COLEC10: variants seen among roughly 807,000 people sequenced by gnomAD.
The protein encoded by COLEC10 is collectin-10.
COLEC10 carries 22 observed loss-of-function variants against 28.4 expected under a neutral mutation model. The observed-to-expected ratio is 0.78, with a 90% confidence interval of 0.55 to 1.11. The LOEUF is 1.11. Ranked by LOEUF, COLEC10 falls within the 50% of genes least tolerant of loss-of-function variation. COLEC10 has a pLI of 0.00. For missense variants in COLEC10, 361 were observed against 344.1 expected (o/e 1.05, Z -0.39); for synonymous variants, 125 against 116.1 (o/e 1.08, Z -0.49).
At chr8:119,066,651 A>G (rs1287404637), upstream of COLEC10, among the ~76,000 whole-genome samples, 1 of 152,258 alleles carries the variant, frequency 6.6e-6, no homozygotes, top group Non-Finnish European at 1.5e-5. Context: ...GCTAAAAGCT[A>G]TAAACTAGGC....
the COLEC10 span, among the ~76,000 whole-genome samples, chr8:118,982,178 C>T: frequency 6.6e-6 from 1 of 152,178 alleles, no homozygotes; most frequent in South Asian, 2.1e-4. Context: ...TCTAATGCTT[C>T]ACATATAATC....
chr8:119,034,415 T>A (rs1363694978), intron 2 of COLEC10, among the ~76,000 whole-genome samples: 17 of 137,950 alleles, frequency 1.2e-4, no homozygotes, highest in African/African-American at 3.4e-4. Flanking sequence ...TTACAGTATT[T>A]AAAAAAAAAA....
intron 1 of COLEC10, among the ~76,000 whole-genome samples, chr8:119,070,936 A>G (rs1815110928): frequency 6.6e-6 from 1 of 152,144 alleles, no homozygotes; most frequent in African/African-American, 2.4e-5. Context: ...TAAGGAAACA[A>G]TTCCAGCGGG....
At chr8:119,078,543 A>C (rs1815301266) in intron 1 of COLEC10, among the ~76,000 whole-genome samples, 1 of 152,164 alleles carries the variant, frequency 6.6e-6, no homozygotes, top group Admixed American at 6.6e-5. Context: ...ACGAGTTCTT[A>C]ATTGTGTTTG....
intron 1 of COLEC10, among the ~76,000 whole-genome samples, chr8:119,077,978 A>G (rs1815287304): frequency 6.6e-6 from 1 of 152,204 alleles, no homozygotes; most frequent in Non-Finnish European, 1.5e-5. Flanking sequence ...GAAATATACA[A>G]TCATGGCAGA....
At chr8:119,054,732 A>T (rs938945197) in intron 2 of COLEC10, among the ~76,000 whole-genome samples, 4 of 152,050 alleles carry the variant, frequency 2.6e-5, no homozygotes, top group Non-Finnish European at 5.9e-5. Flanking sequence ...TTTGCAACAA[A>T]ATTATTGTTT....
rs148313549 is a variant in COLEC10, at chr8:119,057,956, G to A, written n.236-31724G>A. Among the ~76,000 whole-genome samples the A allele has an allele frequency of 3.5e-3, 535 of 151,964 alleles. 3 individuals are homozygous for A. Among genetic ancestry groups the A allele is most frequent in the African/African-American group, 0.012 (501 of 41,464 alleles). ...TTTTTGTAATTAACTTTATAATTAG[G>A]TATATTTAAATGAAAAATTTAGTTG... On this transcript the variant is annotated intron_variant and non_coding_transcript_variant, in intron 2 of 6. Transcript: ENST00000521788.
chr8:119,086,030 C>T (rs573606211), intron 1 of COLEC10, among the ~76,000 whole-genome samples: 23 of 152,256 alleles, frequency 1.5e-4, no homozygotes, highest in Admixed American at 5.9e-4. Context: ...ATTTTAGCAT[C>T]TCCAAAATAA....
intron 2 of COLEC10, among the ~76,000 whole-genome samples, chr8:119,046,861 T>G (rs964713537): frequency 6.6e-6 from 1 of 152,190 alleles, no homozygotes; most frequent in African/African-American, 2.4e-5. Context: ...CTAAACATGA[T>G]CATGACCCAT....
the COLEC10 span, among the ~76,000 whole-genome samples, chr8:118,989,302 G>A: frequency 6.6e-6 from 1 of 151,988 alleles, no homozygotes; most frequent in African/African-American, 2.4e-5. Flanking sequence ...TTTCTAAACT[G>A]AAATGCAAAG....
chr8:119,023,727 AAAC>A (rs1197204558), intron 2 of COLEC10, among the ~76,000 whole-genome samples: 1 of 152,206 alleles, frequency 6.6e-6, no homozygotes, highest in East Asian at 1.9e-4. Flanking sequence ...TTTCAGCTAA[AAAC>A]AACATTCATT....
At chr8:119,091,003 C>G in intron 2 of COLEC10, 146 bp from the exon 3 acceptor site, 1 of 666,074 alleles carries the variant, frequency 1.5e-6, no homozygotes, top group Non-Finnish European at 2.7e-6. Context: ...GTCTGTTAAA[C>G]TAGACAATAT....
intron 1 of COLEC10, among the ~76,000 whole-genome samples, chr8:119,076,567 C>CA (rs1431747677): frequency 6.6e-6 from 1 of 152,198 alleles, no homozygotes; most frequent in Non-Finnish European, 1.5e-5. Context: ...CCAGCCAACA[C>CA]AAAATTCTTT....
At position 119,078,922 on chromosome 8, in the gene COLEC10, G is replaced by A. The variant is rs961156853; in HGVS notation, c.149-10758G>A. ...TGAAATGAGTTTGAGAGAGAATATT[G>A]TATGTTACATATACAGAGTGTTGTA... On this transcript the variant is annotated intron_variant, in intron 1 of 5. Coordinates refer to ENST00000332843, the MANE Select transcript of COLEC10 (RefSeq NM_006438.5). Among the ~76,000 whole-genome samples the A allele has an allele frequency of 2.4e-4, 37 of 151,224 alleles. 1 individual carries two copies. Among genetic ancestry groups the A allele is most frequent in the Non-Finnish European group, 7.4e-5 (5 of 67,852 alleles).
intron 1 of COLEC10, among the ~76,000 whole-genome samples, chr8:119,001,969 T>C (rs1253044796): frequency 1.3e-5 from 2 of 152,196 alleles, no homozygotes; most frequent in Non-Finnish European, 2.9e-5. Context: ...ACTTTCATGT[T>C]AGAATTTAGC....
chr8:118,968,255 G>A, the COLEC10 span, among the ~76,000 whole-genome samples: 1 of 151,624 alleles, frequency 6.6e-6, no homozygotes, highest in Non-Finnish European at 1.5e-5. Flanking sequence ...TCCATGTAAG[G>A]AATTTCTTTA....
At chr8:119,018,340 G>C (rs1329698054) in intron 2 of COLEC10, among the ~76,000 whole-genome samples, 1 of 152,046 alleles carries the variant, frequency 6.6e-6, no homozygotes, top group Non-Finnish European at 1.5e-5. Context: ...TTACTTTGAT[G>C]GTTTCTCAAC....
upstream of COLEC10, among the ~76,000 whole-genome samples, chr8:118,991,622 G>A (rs11992916): frequency 0.049 from 7,429 of 152,026 alleles, 283 homozygotes; most frequent in East Asian, 0.17. Context: ...AAAACTTTTC[G>A]TACCCTTATC....
In COLEC10 at chr8:118,997,713, T is replaced by C. The variant is rs142920154; in HGVS notation, n.122+2140T>C. On this transcript the variant is annotated intron_variant and non_coding_transcript_variant, in intron 1 of 6. Coordinates refer to the COLEC10 transcript ENST00000521788. ...TAGGCTGGTCTTTTGCTATAGCTCT[T>C]CCTCCATTATTGGTCATGTTTAATA... 1.2e-3 allele frequency among the ~76,000 whole-genome samples: 182 copies of C among 152,322 alleles called. 1 individual carries two copies. The highest frequency in any genetic ancestry group is 4.3e-3 in the African/African-American group (180 of 41,588).
Sources: allele counts gnomAD v4.1 joint callset (sites outside exome capture counted in the v4.1 genomes callset), GRCh38; gene constraint gnomAD v4.1.1; transcripts MANE v1.5; gene names NCBI Gene and HGNC (gene_info 2026-07-23, HGNC 2026-07-21).